The following CKAP5 variants were observed in gnomAD, a reference collection of about 807,000 sequenced individuals.
CKAP5 encodes the protein cytoskeleton associated protein 5.
Under a neutral mutation model 232.8 loss-of-function variants are expected in CKAP5, and 27 were observed. The ratio of observed to expected loss-of-function variants is 0.12; its 90% CI spans 0.09 to 0.16. The LOEUF (loss-of-function observed/expected upper bound fraction) is 0.16. Ranked by LOEUF, CKAP5 falls within the 10% of genes least tolerant of loss-of-function variation. The pLI is 1.00. For missense variants in CKAP5, 1,838 were observed against 2,424.7 expected (o/e 0.76, Z 5.08); for synonymous variants, 785 against 841.1 (o/e 0.93, Z 1.16).
intron 37 of CKAP5, 64 bp downstream of exon 37, chr11:46,753,246 G>T: frequency 7.5e-7 from 1 of 1,324,694 alleles, no homozygotes; most frequent in Non-Finnish European, 1.0e-6. Context: ...CGGACATTAT[G>T]GTTTCTAAGT....
chr11:46,809,975 CTTTT>C, intron 5 of CKAP5, 101 bp from the exon 6 acceptor site: 3 of 1,013,442 alleles, frequency 3.0e-6, no homozygotes, highest in Non-Finnish European at 4.1e-6. Flanking sequence ...CAATTTCTTT[CTTTT>C]TTTTTTATTG....
rs1314429647 is a variant in CKAP5, at chr11:46,803,465, T to C, written c.979-2161A>G. 9.9e-5 allele frequency among the ~76,000 whole-genome samples: 15 copies of C among 151,976 alleles called. No individual in the cohort carries two copies. In the East Asian group the frequency reaches 2.9e-3, roughly 30 times the overall value. On this transcript the variant is annotated intron_variant, in intron 8 of 43. Transcript: ENST00000529230. ...CTATTTTTTGTAGAAACAGAGTTTC[T>C]TCATGTTGCCCAGTCTGGTCTTAAA...
intron 1 of CKAP5, 37 bp from the exon 2 acceptor site, chr11:46,821,305 GGCA>G: frequency 1.0e-6 from 1 of 982,446 alleles, no homozygotes. Flanking sequence ...TTAGCAACCA[GGCA>G]GTCTCTTAAG....
Position 46,743,832 on chromosome 11 carries a change from G to T in CKAP5, c.*191C>A. 1 of 668,632 alleles carries T rather than the reference G, an allele frequency of 1.5e-6. No individual in the cohort carries two copies. Among genetic ancestry groups the T allele is most frequent in the Non-Finnish European group, 2.5e-6 (1 of 400,218 alleles). 41.4% of individuals were successfully genotyped at this position (668,632 alleles called of 1,614,324 possible). A position where few individuals can be genotyped will look rare whatever the true frequency, so the allele number is the denominator to read the frequency against. On this transcript the variant is annotated 3_prime_UTR_variant, in exon 44 of 44. Coordinates refer to ENST00000529230, the MANE Select transcript of CKAP5 (RefSeq NM_001008938.4). Reference sequence around the variant, plus strand: ...ACTCATCCACGGACAGTCTTCTAGAGCAGCAGGACGCTGACAGAGAGAAGC... The same window carrying T: ...ACTCATCCACGGACAGTCTTCTAGATCAGCAGGACGCTGACAGAGAGAAGC...
chr11:46,839,125 G>A (rs1205604465), intron 1 of CKAP5, among the ~76,000 whole-genome samples: 5 of 152,092 alleles, frequency 3.3e-5, no homozygotes, highest in Non-Finnish European at 7.4e-5. Flanking sequence ...AACAATATAT[G>A]CTATGAAGTA....
chr11:46,765,042 T>G (rs2065189896), intron 28 of CKAP5, 89 bp downstream of exon 28: 1 of 1,249,730 alleles, frequency 8.0e-7, no homozygotes, highest in Middle Eastern at 2.1e-4. Context: ...TTCCTAGATA[T>G]TAAACAATAA....
At chr11:46,829,206 T>G (rs961754055) in intron 1 of CKAP5, among the ~76,000 whole-genome samples, 3 of 152,198 alleles carry the variant, frequency 2.0e-5, no homozygotes, top group Non-Finnish European at 4.4e-5. Context: ...CCTGTCACCC[T>G]TAAGACAGCA....
At chr11:46,767,509 G>T in intron 27 of CKAP5, 66 bp downstream of exon 27, 1 of 972,624 alleles carries the variant, frequency 1.0e-6, no homozygotes, top group Non-Finnish European at 1.6e-6. Flanking sequence ...CTTCCTAATA[G>T]AATGACTCAG....
chr11:46,760,477 C>CA, intron 33 of CKAP5, 135 bp downstream of exon 33: 1 of 835,844 alleles, frequency 1.2e-6, no homozygotes, highest in Non-Finnish European at 1.9e-6. Flanking sequence ...CATTTGGTTA[C>CA]AATACATTTA....
rs749825656 is a variant in CKAP5, at chr11:46,797,801, G to A, written c.1338+4C>T. The stretch of plus-strand genomic sequence containing the variant: ...ATTCCCCCAACTTCAAAGAGAGTCT[G>A]TACCTTAAGTAGTGCAGCACAAAAG... On this transcript the variant is annotated splice_donor_region_variant and intron_variant, in intron 11 of 43. Transcript: ENST00000529230. 2 of 1,599,444 alleles carry A rather than the reference G, an allele frequency of 1.3e-6. No individual in the cohort carries two copies. Among genetic ancestry groups the A allele is most frequent in the East Asian group, 2.2e-5 (1 of 44,804 alleles).
chr11:46,797,086 A>G, intron 11 of CKAP5, 146 bp from the exon 12 acceptor site: 2 of 898,224 alleles, frequency 2.2e-6, no homozygotes, highest in Admixed American at 5.1e-5. Context: ...GCCAATTGAC[A>G]GTTACTCTTT....
chr11:46,744,408 GAAGAA>G lies in CKAP5; in HGVS notation c.5856+13_5856+17del, dbSNP rs2134557190. On this transcript the variant is annotated intron_variant, in intron 43 of 43. Coordinates refer to ENST00000529230, the MANE Select transcript of CKAP5 (RefSeq NM_001008938.4). ...GTGACTACCCTCCCTGAACTGCACA[GAAGAA>G]AAGGAGCAGTACCTTTGTGTTGTCC... 6.2e-7 allele frequency: 1 copy of G among 1,614,142 alleles called. No homozygotes were observed. The highest frequency in any genetic ancestry group is 1.7e-5 in the Admixed American group (1 of 60,008).
intron 8 of CKAP5, among the ~76,000 whole-genome samples, chr11:46,806,137 T>G (rs933055750): frequency 1.3e-5 from 2 of 152,142 alleles, no homozygotes; most frequent in African/African-American, 4.8e-5. Context: ...GGAAAGAAGT[T>G]TCTACTGCTA....
chr11:46,796,865 C>T lies in CKAP5; in HGVS notation c.1414G>A (p.Glu472Lys). The T allele has an allele frequency of 5.0e-6, 8 of 1,614,056 alleles. No individual in the cohort carries two copies. The highest frequency in any genetic ancestry group is 6.8e-6 in the Non-Finnish European group (8 of 1,179,978). ...ALGTALKVVGEKAVNPFLADV... is the reference protein window; with the variant it reads ...ALGTALKVVGKKAVNPFLADV... ...GCTAGGAATGGGTTTACTGCTTTCT[C>T]GCCAACCACCTTCAAAGCAGTACCC... The change falls in exon 12 of 44, where the codon GAG becomes AAG. Residue 472 changes from glutamate to lysine, a missense_variant. Coordinates refer to ENST00000529230, the MANE Select transcript of CKAP5 (RefSeq NM_001008938.4).
chr11:46,824,662 TC>T (rs1939612454), intron 1 of CKAP5, among the ~76,000 whole-genome samples: 1 of 152,128 alleles, frequency 6.6e-6, no homozygotes, highest in African/African-American at 2.4e-5. Flanking sequence ...TGCCAAATGG[TC>T]CAGCTGCTGT....
chr11:46,838,718 C>T (rs1939976417), intron 1 of CKAP5, among the ~76,000 whole-genome samples: 1 of 124,090 alleles, frequency 8.1e-6, no homozygotes, highest in African/African-American at 3.0e-5. Flanking sequence ...CCCTTGAGCC[C>T]GGGAGGTGAA....
chr11:46,829,513 C>T (rs7118357), intron 1 of CKAP5, among the ~76,000 whole-genome samples: 2 of 152,090 alleles, frequency 1.3e-5, no homozygotes, highest in African/African-American at 2.4e-5. Context: ...CCACCCTGAA[C>T]GATGGAGCGA....
At chr11:46,827,787 T>G (rs1939689241) in intron 1 of CKAP5, among the ~76,000 whole-genome samples, 1 of 152,244 alleles carries the variant, frequency 6.6e-6, no homozygotes, top group African/African-American at 2.4e-5. Flanking sequence ...TGAAGAGTTC[T>G]TAAGAAAATT....
At chr11:46,752,193 T>TATATATACACACAC (rs1408030107) in intron 38 of CKAP5, among the ~76,000 whole-genome samples, 1 of 66,572 alleles carries the variant, frequency 1.5e-5, no homozygotes, top group African/African-American at 5.1e-5. Context: ...TATATATATA[T>TATATATACACACAC]ACACACACAC....
Sources: allele counts gnomAD v4.1 joint callset (sites outside exome capture counted in the v4.1 genomes callset), GRCh38; gene constraint gnomAD v4.1.1; transcripts MANE v1.5; gene names NCBI Gene and HGNC (gene_info 2026-07-23, HGNC 2026-07-21).